Variants in C5 observed in about 807,000 individuals in gnomAD.
C5 encodes the protein C3 and PZP-like alpha-2-macroglobulin domain-containing protein 4.
C5 carries 140 observed loss-of-function variants against 218.8 expected under a neutral mutation model. The ratio of observed to expected loss-of-function variants is 0.64; its 90% CI spans 0.56 to 0.74. The LOEUF (loss-of-function observed/expected upper bound fraction) is 0.74, where lower values mean the gene tolerates loss of function less well. C5 is among the 30% of genes least tolerant of loss of function. The pLI is 0.00. For missense variants in C5, 1,700 were observed against 1,969.6 expected, an observed-to-expected ratio of 0.86 and a Z score of 2.59; for synonymous variants, 614 against 682.3, an observed-to-expected ratio of 0.90 and a Z score of 1.56.
intron 2 of C5, 122 bp from the exon 3 acceptor site, chr9:121,043,288 G>T: frequency 1.2e-6 from 1 of 824,646 alleles, no homozygotes; most frequent in Non-Finnish European, 1.9e-6. Context: ...CATTTAAAAA[G>T]TGATACAGGA....
chr9:121,058,642 T>C, the C5 span, among the ~76,000 whole-genome samples: 1 of 152,152 alleles, frequency 6.6e-6, no homozygotes. Flanking sequence ...TTTCACCATA[T>C]TGGCCAGGCT....
chr9:121,023,083 T>C (rs2047380580), intron 10 of C5, among the ~76,000 whole-genome samples: 1 of 152,220 alleles, frequency 6.6e-6, no homozygotes, highest in African/African-American at 2.4e-5. Flanking sequence ...TAATTTTAAA[T>C]GTTTGTATTT....
chr9:120,975,445 C>T (rs2046946275), intron 29 of C5, among the ~76,000 whole-genome samples: 1 of 152,078 alleles, frequency 6.6e-6, no homozygotes, highest in African/African-American at 2.4e-5. Flanking sequence ...TTTCTTGGTG[C>T]CTGCTGTGGT....
chr9:120,971,550 T>C (rs1237264040), intron 31 of C5, among the ~76,000 whole-genome samples: 1 of 152,124 alleles, frequency 6.6e-6, no homozygotes, highest in Non-Finnish European at 1.5e-5. Context: ...GTGATTCTCC[T>C]GCCTCAGCCT....
At chr9:121,066,798 C>G in the C5 span, among the ~76,000 whole-genome samples, 1 of 150,036 alleles carries the variant, frequency 6.7e-6, no homozygotes, top group African/African-American at 2.5e-5. Flanking sequence ...TACAGTGAGC[C>G]CAGATTACGC....
At chr9:121,011,110 CA>C (rs1449085534) in intron 17 of C5, among the ~76,000 whole-genome samples, 1 of 152,078 alleles carries the variant, frequency 6.6e-6, no homozygotes, top group East Asian at 1.9e-4. Flanking sequence ...CACAGACAAC[CA>C]AAGCCAAAAT....
intron 40 of C5, among the ~76,000 whole-genome samples, chr9:120,953,125 C>T (rs1421923544): frequency 2.0e-5 from 3 of 152,138 alleles, no homozygotes; most frequent in South Asian, 2.1e-4. Flanking sequence ...GGGGTTTCAC[C>T]GTGTTAGCCA....
At chr9:121,010,670 T>C (rs2047254195) in intron 17 of C5, among the ~76,000 whole-genome samples, 1 of 152,044 alleles carries the variant, frequency 6.6e-6, no homozygotes, top group Admixed American at 6.5e-5. Context: ...AAGACCAGAA[T>C]AGCCAAAGCA....
intron 38 of C5, among the ~76,000 whole-genome samples, chr9:120,959,573 T>C (rs1564130802): frequency 6.6e-6 from 1 of 152,134 alleles, no homozygotes; most frequent in Non-Finnish European, 1.5e-5. Flanking sequence ...ACCCTTCCAA[T>C]TTCAAAATGA....
At chr9:121,015,894 G>C (rs1201462056) in intron 15 of C5, among the ~76,000 whole-genome samples, 1 of 152,164 alleles carries the variant, frequency 6.6e-6, no homozygotes, top group East Asian at 1.9e-4. Flanking sequence ...TTCTTACATT[G>C]CTTCTCCAGG....
chr9:120,953,634 A>G, intron 40 of C5, 96 bp downstream of exon 40: 1 of 1,233,658 alleles, frequency 8.1e-7, no homozygotes, highest in Non-Finnish European at 1.2e-6. Context: ...TTTGTTGGTT[A>G]AGAGCAGGGC....
Position 121,032,156 on chromosome 9 carries a change from G to T in C5, c.624C>A (p.Asp208Glu), listed in dbSNP as rs1264285332. The change falls in exon 6 of 41, where the codon GAC (aspartate) becomes GAA (glutamate). Residue 208 changes from aspartate (D) to glutamate (E), a missense_variant. Asp to Glu is a conservative substitution (Grantham distance 45). Transcript: ENST00000223642. The part of the protein sequence containing the change: ...MWTIKAKYKE[D>E]FSTTGTAYFE... ...AATATGCGGTTCCAGTTGTTGAAAA[G>T]TCCTCTTTATATTTAGCCTTGATCG... 6.2e-7 allele frequency: 1 copy of T among 1,608,410 alleles called. No homozygotes were observed. Among genetic ancestry groups the T allele is most frequent in the South Asian group, 1.1e-5 (1 of 90,944 alleles).
chr9:120,957,462 A>G, intron 38 of C5, 94 bp from the exon 39 acceptor site: 1 of 894,510 alleles, frequency 1.1e-6, no homozygotes, highest in Admixed American at 1.7e-5. Context: ...ACGAGAAATG[A>G]AGCATGGCAA....
At chr9:121,042,877 TGA>T (rs1374218979) in intron 3 of C5, 125 bp downstream of exon 3, 12 of 699,340 alleles carry the variant, frequency 1.7e-5, no homozygotes, top group Middle Eastern at 6.7e-4. Flanking sequence ...CTTTGGGAAT[TGA>T]GAGTCTTTTG....
chr9:121,052,453 GAAA>G (rs1192286050), upstream of C5, among the ~76,000 whole-genome samples: 1 of 63,254 alleles, frequency 1.6e-5, no homozygotes. Flanking sequence ...CTCCATCTCA[GAAA>G]AAAAAAAAAA....
chr9:121,072,835 A>T, the C5 span, among the ~76,000 whole-genome samples: 2 of 151,436 alleles, frequency 1.3e-5, no homozygotes, highest in Admixed American at 6.6e-5. Flanking sequence ...AAAAAAAAGA[A>T]AAGAAAAAAA....
At chr9:121,001,512 T>C (rs922632867) in intron 20 of C5, among the ~76,000 whole-genome samples, 3 of 152,198 alleles carry the variant, frequency 2.0e-5, no homozygotes, top group Non-Finnish European at 2.9e-5. Context: ...ACAAACAATA[T>C]ATAGCGCGGT....
At chr9:121,051,754 T>C (rs1427229962), upstream of C5, among the ~76,000 whole-genome samples, 1 of 152,198 alleles carries the variant, frequency 6.6e-6, no homozygotes, top group African/African-American at 2.4e-5. Context: ...ATCTCTTGCA[T>C]ATGTCATTGA....
intron 17 of C5, 45 bp downstream of exon 17, chr9:121,013,828 A>T: frequency 6.6e-7 from 1 of 1,519,974 alleles, no homozygotes; most frequent in African/African-American, 1.4e-5. Context: ...ATTACACAAA[A>T]TTCCCCATAT....
Sources: allele counts gnomAD v4.1 joint callset (sites outside exome capture counted in the v4.1 genomes callset), GRCh38; gene constraint gnomAD v4.1.1; transcripts MANE v1.5; gene names NCBI Gene and HGNC (gene_info 2026-07-23, HGNC 2026-07-21).